The following THSD4 variants were observed in gnomAD, a reference collection of about 807,000 sequenced individuals.
THSD4 encodes thrombospondin type-1 domain-containing protein 4.
A neutral mutation model predicts 119.0 loss-of-function variants in THSD4; 69 were observed. The observed-to-expected ratio is 0.58, with a 90% CI of 0.48 to 0.71. The LOEUF is 0.71. THSD4 is among the 30% of genes least tolerant of loss of function. THSD4 has a pLI of 0.00. For synonymous variants in THSD4, 524 were observed against 540.4 expected (o/e 0.97, Z 0.42); for missense variants, 1,393 against 1,391.1 (o/e 1.00, Z -0.02).
chr15:71,770,458 C>A (rs1255650827), intron 16 of THSD4, among the ~76,000 whole-genome samples: 1 of 151,556 alleles, frequency 6.6e-6, no homozygotes, highest in Non-Finnish European at 1.5e-5. Context: ...AGCTTGAGAC[C>A]AGCCTAGGCA....
In THSD4 at chr15:71,698,299, C is replaced by G. The variant is rs528845134; in HGVS notation, c.1358-30250C>G. ...GTAGAATCTGAGGGAGAAGAATAAA[C>G]TCTATTAGAGTGGCCGTTATCAAAC... is the stretch of plus-strand genomic sequence containing the variant. On this transcript the variant is annotated intron_variant, in intron 8 of 17. Coordinates refer to ENST00000261862, the MANE Select transcript of THSD4 (RefSeq NM_024817.3). 1.1e-4 allele frequency among the ~76,000 whole-genome samples: 16 copies of G among 152,206 alleles called. No homozygotes were observed. In the East Asian group the frequency reaches 3.1e-3, roughly 29 times the overall value.
intron 5 of THSD4, 131 bp from the exon 6 acceptor site, chr15:71,256,482 A>T (rs2044317946): frequency 1.7e-6 from 1 of 574,000 alleles, no homozygotes; most frequent in Non-Finnish European, 2.5e-6. Flanking sequence ...TCTCAAAAAA[A>T]AAAAAATAAA....
intron 6 of THSD4, among the ~76,000 whole-genome samples, chr15:71,334,149 G>A (rs1334296124): frequency 6.6e-6 from 1 of 152,218 alleles, no homozygotes; most frequent in East Asian, 1.9e-4. Context: ...AGCCAGAGCA[G>A]TATATCAGCA....
At chr15:71,655,638 C>T (rs961891560) in intron 7 of THSD4, among the ~76,000 whole-genome samples, 1 of 151,966 alleles carries the variant, frequency 6.6e-6, no homozygotes, top group Non-Finnish European at 1.5e-5. Flanking sequence ...GCTCCATCCC[C>T]ATCCAGGCAG....
rs375467110 is a variant in THSD4 at position 71,408,457 on chromosome 15, T to A, written c.1016-3230T>A. On this transcript the variant is annotated intron_variant, in intron 6 of 17. Coordinates refer to ENST00000261862, the MANE Select transcript of THSD4 (RefSeq NM_024817.3). Reference sequence around the variant, plus strand: ...TATGTTGCCCAGGCTGGTCTTGGACTCCCGGGCTCAAGCAATCCTCCTGCT... The same window carrying A: ...TATGTTGCCCAGGCTGGTCTTGGACACCCGGGCTCAAGCAATCCTCCTGCT... Among the ~76,000 whole-genome samples the A allele has an allele frequency of 3.9e-5, 6 of 152,114 alleles. No homozygotes were observed. The East Asian group carries it at 9.7e-4, about 25-fold the overall frequency.
At chr15:71,735,599 GCTCTCTGT>G (rs2053071883) in intron 10 of THSD4, among the ~76,000 whole-genome samples, 1 of 141,234 alleles carries the variant, frequency 7.1e-6, no homozygotes, top group East Asian at 2.2e-4. Flanking sequence ...TCTCTCTCTT[GCTCTCTGT>G]CTCTCTTGCT....
intron 7 of THSD4, among the ~76,000 whole-genome samples, chr15:71,452,444 G>A (rs1029154574): frequency 4.7e-5 from 7 of 149,974 alleles, no homozygotes; most frequent in Non-Finnish European, 7.4e-5. Flanking sequence ...TAGTCCCTCC[G>A]TGCCAGTCTC....
At chr15:71,348,024 T>C (rs141545067) in intron 6 of THSD4, 1 of 152,318 alleles carries the variant, frequency 6.6e-6, no homozygotes, top group East Asian at 1.9e-4. Context: ...TAATACATGA[T>C]CTGCAAAGGG....
chr15:71,503,945 C>T (rs2048151851), intron 7 of THSD4, among the ~76,000 whole-genome samples: 1 of 152,154 alleles, frequency 6.6e-6, no homozygotes, highest in African/African-American at 2.4e-5. Flanking sequence ...ACTAAATTGA[C>T]CATGAAGAAT....
At chr15:71,135,303 T>C (rs1596216369) in intron 1 of THSD4, among the ~76,000 whole-genome samples, 1 of 148,524 alleles carries the variant, frequency 6.7e-6, no homozygotes, top group African/African-American at 2.5e-5. Context: ...GCATGGCACA[T>C]GTATACATAT....
At position 71,765,125 on chromosome 15, in the gene THSD4, G is replaced by C. The variant is rs988252894; in HGVS notation, c.2695G>C (p.Glu899Gln). The change falls in exon 16 of 18, where the codon GAG becomes CAG. Residue 899 changes from glutamate (E) to glutamine (Q), a missense_variant. Physicochemically the swap from Glu to Gln is conservative, Grantham distance 29. Coordinates refer to ENST00000261862, the MANE Select transcript of THSD4 (RefSeq NM_024817.3). Reference sequence around the variant, plus strand: ...GGACCCCTCTGAATGTTCTTTCCTGGAGAAACCCCCCAGCCAGCAATCCTG... The same window carrying C: ...GGACCCCTCTGAATGTTCTTTCCTGCAGAAACCCCCCAGCCAGCAATCCTG... ...VLDPSECSFL[E>Q]KPPSQQSCHL... 2 of 1,614,066 alleles carry C rather than the reference G, an allele frequency of 1.2e-6. No homozygotes were observed. Among genetic ancestry groups the C allele is most frequent in the African/African-American group, 2.7e-5 (2 of 74,916 alleles).
At chr15:71,751,948 G>A (rs2053456041) in intron 14 of THSD4, among the ~76,000 whole-genome samples, 1 of 152,204 alleles carries the variant, frequency 6.6e-6, no homozygotes, top group Non-Finnish European at 1.5e-5. Flanking sequence ...GTGGAATCAT[G>A]TTAAATTATG....
intron 7 of THSD4, among the ~76,000 whole-genome samples, chr15:71,549,198 T>C (rs1436939909): frequency 2.0e-5 from 3 of 152,242 alleles, no homozygotes; most frequent in Non-Finnish European, 4.4e-5. Flanking sequence ...GAGTTAAAAG[T>C]ATGTGTGCTT....
intron 6 of THSD4, among the ~76,000 whole-genome samples, chr15:71,334,373 A>T (rs1351080642): frequency 6.6e-6 from 1 of 152,228 alleles, no homozygotes; most frequent in African/African-American, 2.4e-5. Context: ...TAAGAGGTGG[A>T]CATCGGCAGC....
chr15:71,482,177 G>C (rs2047739869), intron 7 of THSD4, among the ~76,000 whole-genome samples: 1 of 152,206 alleles, frequency 6.6e-6, no homozygotes, highest in African/African-American at 2.4e-5. Flanking sequence ...TTGATTCAGT[G>C]GCTTAACACT....
chr15:71,237,115 G>A (rs1472130789), intron 4 of THSD4, among the ~76,000 whole-genome samples: 1 of 152,174 alleles, frequency 6.6e-6, no homozygotes, highest in Non-Finnish European at 1.5e-5. Flanking sequence ...CAGGAGCCAG[G>A]CTGTGTAGGT....
chr15:71,122,699 A>G lies in THSD4; in HGVS notation c.-80+7001A>G, dbSNP rs575311899. On this transcript the variant is annotated intron_variant, in intron 1 of 17. Coordinates refer to ENST00000261862, the MANE Select transcript of THSD4 (RefSeq NM_024817.3). ...CAGGGTTCCCATTTTTTAAAGCACA[A>G]TGATGCTTTTCATCATTTTGCTCCA... Among the ~76,000 whole-genome samples the G allele has an allele frequency of 5.5e-4, 84 of 152,316 alleles. 1 individual carries two copies. In the Middle Eastern group the frequency reaches 0.014, roughly 25 times the overall value.
intron 7 of THSD4, among the ~76,000 whole-genome samples, chr15:71,584,112 T>C (rs1037661701): frequency 6.6e-6 from 1 of 152,122 alleles, no homozygotes; most frequent in African/African-American, 2.4e-5. Flanking sequence ...TTATATTCTC[T>C]TGATGATTCT....
At chr15:71,473,307 C>G (rs35067654) in intron 7 of THSD4, among the ~76,000 whole-genome samples, 26,826 of 152,176 alleles carry the variant, frequency 0.18, 2,723 homozygotes, top group South Asian at 0.37. Flanking sequence ...ATCCACCCGC[C>G]TCAGCCCTCT....
Sources: gnomAD v4.1 joint callset for allele counts (sites outside exome capture counted in the v4.1 genomes callset) on GRCh38, gnomAD v4.1.1 for gene constraint, MANE v1.5 for transcripts, NCBI Gene and HGNC (gene_info 2026-07-23, HGNC 2026-07-21) for gene names.